FKBP1B: variants seen among roughly 807,000 people sequenced by gnomAD.
FKBP1B encodes FKBP prolyl isomerase 1B.
In FKBP1B, 4 loss-of-function variants were observed where a neutral mutation model predicts 13.5. The ratio of observed to expected loss-of-function variants is 0.30; its 90% CI spans 0.15 to 0.68. The LOEUF (loss-of-function observed/expected upper bound fraction) is 0.68, where lower values mean the gene tolerates loss of function less well. Ranked by LOEUF, FKBP1B falls within the 30% of genes least tolerant of loss-of-function variation. The pLI is 0.76. For missense variants in FKBP1B, 93 were observed against 136.2 expected, an observed-to-expected ratio of 0.68 and a Z score of 1.58; for synonymous variants, 54 against 53.6, an observed-to-expected ratio of 1.01 and a Z score of -0.03.
At chr2:24,062,389 G>A (rs1287209477) in intron 3 of FKBP1B, among the ~76,000 whole-genome samples, 1 of 151,976 alleles carries the variant, frequency 6.6e-6, no homozygotes, top group Non-Finnish European at 1.5e-5. Context: ...ATGTTTGCCA[G>A]GCTGCTCTCG....
the FKBP1B span, chr2:24,033,256 C>T: frequency 8.2e-6 from 4 of 487,158 alleles, no homozygotes; most frequent in South Asian, 1.6e-5. Context: ...CACAATCTGA[C>T]GGTAAGAACA....
chr2:24,055,963 A>G (rs1181887163), intron 2 of FKBP1B, among the ~76,000 whole-genome samples: 1 of 152,064 alleles, frequency 6.6e-6, no homozygotes, highest in Non-Finnish European at 1.5e-5. Context: ...TGTCCTCCCC[A>G]ACACTTGTTA....
At chr2:24,034,016 C>A in the FKBP1B span, among the ~76,000 whole-genome samples, 310 of 152,288 alleles carry the variant, frequency 2.0e-3, no homozygotes, top group Non-Finnish European at 3.2e-3. Context: ...ATTTATTTCA[C>A]GTCTTATGAA....
rs774840078 is a variant in FKBP1B, at chr2:24,053,856, T to TG, written c.38-46_38-45insG. ...GGATCATACTTAATGTCCCAGGTGT[T>TG]TTTCCAATATCCTACTCCTTCATCT... On this transcript the variant is annotated intron_variant, in intron 1 of 3. Transcript: ENST00000380986. 12 of 1,591,046 alleles carry TG rather than the reference T, an allele frequency of 7.5e-6. No individual in the cohort carries two copies. In the Admixed American group the frequency reaches 2.0e-4, roughly 27 times the overall value.
chr2:24,051,017 A>G (rs1439110604), intron 1 of FKBP1B, among the ~76,000 whole-genome samples: 2 of 152,088 alleles, frequency 1.3e-5, no homozygotes, highest in African/African-American at 4.8e-5. Context: ...CCAATCTCAT[A>G]TTCACTCCCT....
At chr2:24,049,917 G>C in intron 1 of FKBP1B, 31 bp downstream of exon 1, 1 of 1,392,698 alleles carries the variant, frequency 7.2e-7, no homozygotes, top group South Asian at 1.5e-5. Context: ...CCAGGGGAGG[G>C]GAGGGGTCCC....
At chr2:24,048,393 C>T (rs1663700173), upstream of FKBP1B, among the ~76,000 whole-genome samples, 1 of 150,316 alleles carries the variant, frequency 6.7e-6, no homozygotes, top group African/African-American at 2.5e-5. Flanking sequence ...ATCGCTTGAA[C>T]CTGGGAGGCG....
chr2:24,049,187 C>A (rs1007600793), upstream of FKBP1B, among the ~76,000 whole-genome samples: 2 of 152,042 alleles, frequency 1.3e-5, no homozygotes, highest in African/African-American at 4.8e-5. Context: ...GACCCCGTTT[C>A]TACAAAAAAT....
the FKBP1B span, among the ~76,000 whole-genome samples, chr2:24,040,411 A>G: frequency 6.6e-6 from 1 of 152,214 alleles, no homozygotes; most frequent in Non-Finnish European, 1.5e-5. Context: ...TCTAATTTCT[A>G]TTCGTCCTTT....
chr2:24,035,926 A>G, the FKBP1B span, among the ~76,000 whole-genome samples: 12 of 149,822 alleles, frequency 8.0e-5, no homozygotes, highest in Non-Finnish European at 1.6e-4. Flanking sequence ...AAAATTAGCC[A>G]GGTGTGGTGG....
Position 24,063,305 on chromosome 2 carries a change from C to A in FKBP1B, c.*113C>A. ...GCTCTTGATCAGTGTGCTAACCTCA[C>A]TGCCTCATGGCATCATCCATTCTCT... On this transcript the variant is annotated 3_prime_UTR_variant, in exon 4 of 4. Transcript: ENST00000380986. The A allele has an allele frequency of 1.0e-6, 1 of 999,672 alleles. No individual in the cohort carries two copies. Among genetic ancestry groups the A allele is most frequent in the Non-Finnish European group, 1.4e-6 (1 of 709,536 alleles). The allele number at this position is 999,672 out of a possible 1,614,324, so 61.9% of individuals were successfully genotyped here.
rs747245057 is a variant in FKBP1B at position 24,060,938 on chromosome 2, A to G, written c.198+12A>G. ...AGGGTGCAGCCCAGGTAGGATGAGG[A>G]TTCGCATTAAAGGGGATCTGGGGAG... On this transcript the variant is annotated intron_variant, in intron 3 of 3. Coordinates refer to ENST00000380986, the MANE Select transcript of FKBP1B (RefSeq NM_004116.5). 1 of 1,601,556 alleles carries G rather than the reference A, an allele frequency of 6.2e-7. No individual in the cohort carries two copies. Among genetic ancestry groups the G allele is most frequent in the Non-Finnish European group, 8.6e-7 (1 of 1,168,662 alleles).
chr2:24,063,474 CTTGTTCG>C lies in FKBP1B; in HGVS notation c.*283_*289del. On this transcript the variant is annotated 3_prime_UTR_variant, in exon 4 of 4. Transcript: ENST00000380986. Reference sequence around the variant, plus strand: ...TTTCCTGATGACAGAACACAGATCTCTTGTTCGCACAATCTACACTGCCTTACCTTCA... The same window carrying C: ...TTTCCTGATGACAGAACACAGATCTCCACAATCTACACTGCCTTACCTTCA... 2.8e-6 allele frequency: 1 copy of C among 356,328 alleles called. No individual in the cohort carries two copies. The highest frequency in any genetic ancestry group is 5.0e-6 in the Non-Finnish European group (1 of 198,142). 22.1% of individuals were successfully genotyped at this position (356,328 alleles called of 1,614,324 possible).
the FKBP1B span, chr2:24,038,753 G>GAT: frequency 6.2e-7 from 1 of 1,614,154 alleles, no homozygotes; most frequent in Admixed American, 1.7e-5. Flanking sequence ...AAAGCATACG[G>GAT]AGTCATGTCT....
chr2:24,049,653 C>T, upstream of FKBP1B: 1 of 388,278 alleles, frequency 2.6e-6, no homozygotes. Flanking sequence ...GCCGACCCCA[C>T]CTTTCCGCGC....
the FKBP1B span, among the ~76,000 whole-genome samples, chr2:24,043,098 C>A: frequency 6.6e-6 from 1 of 151,792 alleles, no homozygotes; most frequent in Admixed American, 6.6e-5. Flanking sequence ...CTTTGGCAGG[C>A]CAAGGCGGGT....
chr2:24,055,752 A>C (rs896431243), intron 2 of FKBP1B, among the ~76,000 whole-genome samples: 20 of 152,154 alleles, frequency 1.3e-4, no homozygotes, highest in Non-Finnish European at 8.8e-5. Context: ...TGTTTATTAC[A>C]AACAGTGTCA....
rs1009205305 is a variant in FKBP1B, at chr2:24,053,870, A to G, written c.38-32A>G. On this transcript the variant is annotated intron_variant, in intron 1 of 3. Transcript: ENST00000380986. ...GTCCCAGGTGTTTTTCCAATATCCT[A>G]CTCCTTCATCTGCCCTCATGTCTCC... The G allele has an allele frequency of 5.0e-6, 8 of 1,609,424 alleles. No individual in the cohort carries two copies. The African/African-American group carries it at 6.7e-5, about 13-fold the overall frequency.
intron 1 of FKBP1B, 24 bp from the exon 2 acceptor site, chr2:24,053,875 TTCA>T (rs1237686603): frequency 2.5e-6 from 4 of 1,612,730 alleles, no homozygotes; most frequent in Non-Finnish European, 2.5e-6. Context: ...ATCCTACTCC[TTCA>T]TCTGCCCTCA....
Sources: gnomAD v4.1 joint callset for allele counts (sites outside exome capture counted in the v4.1 genomes callset) on GRCh38, gnomAD v4.1.1 for gene constraint, MANE v1.5 for transcripts, NCBI Gene and HGNC (gene_info 2026-07-23, HGNC 2026-07-21) for gene names.